Variants in FLNC observed in about 807,000 individuals in gnomAD.
FLNC encodes filamin-C.
In FLNC, 91 loss-of-function variants were observed where a neutral mutation model predicts 254.3. That is an observed-to-expected ratio of 0.36 (90% CI 0.30 to 0.43). FLNC has a LOEUF of 0.43. Ranked by LOEUF, FLNC falls within the 20% of genes least tolerant of loss-of-function variation. The probability of loss-of-function intolerance (pLI) is 1.00; values close to 1 mark genes in which losing one functional copy is unlikely to be tolerated. For synonymous variants in FLNC, 1,430 were observed against 1,577.2 expected (o/e 0.91, Z 2.21); for missense variants, 2,853 against 3,802.6 (o/e 0.75, Z 6.57).
rs1808326543 is a variant in FLNC at position 128,841,377 on chromosome 7, TCACACA to T, written c.2007+18_2007+23del. ...TTCCCAGATAAGGTGTGGTCCCAGC[TCACACA>T]CACCTGCCCCGGGGGTGGGGCAAGC... On this transcript the variant is annotated intron_variant, in intron 12 of 47. Transcript: ENST00000325888. This position sits in a 1 kb window ranked among gnomAD's most constrained non-coding sequence, Gnocchi z 4.3. 1 of 1,613,740 alleles carries T rather than the reference TCACACA, an allele frequency of 6.2e-7. No individual in the cohort carries two copies. The highest frequency in any genetic ancestry group is 8.5e-7 in the Non-Finnish European group (1 of 1,179,862).
At position 128,843,317 on chromosome 7, in the gene FLNC, C is replaced by T. The variant is rs1324832799; in HGVS notation, c.2639C>T (p.Thr880Ile). 2.5e-6 allele frequency: 4 copies of T among 1,613,126 alleles called. No homozygotes were observed. Among genetic ancestry groups the T allele is most frequent in the South Asian group, 1.1e-5 (1 of 90,888 alleles). Residue 880 changes from threonine to isoleucine, a missense_variant and splice_region_variant, in exon 17 of 48, where the codon ACA (threonine) becomes ATA (isoleucine). Around this residue, in one of 10 missense-constraint regions of FLNC, gnomAD observed 1,573 missense variants for 1,883.5 expected, o/e 0.84. Transcript: ENST00000325888. Reference sequence around the variant, plus strand: ...GCCGAGGGCCCTGGGCTGAATCGCACAGGTGAGTGTCTGGGCAGGGGCTGG... The same window carrying T: ...GCCGAGGGCCCTGGGCTGAATCGCATAGGTGAGTGTCTGGGCAGGGGCTGG... ...VKAEGPGLNR[T>I]GVEVGKPTHF...
In FLNC at chr7:128,841,146, C is replaced by T. The variant is rs767094607; in HGVS notation, c.1814-24C>T. On this transcript the variant is annotated intron_variant, in intron 11 of 47. Transcript: ENST00000325888. This position sits in a 1 kb window ranked among gnomAD's most constrained non-coding sequence, Gnocchi z 4.3. ...AGGGTCTTGCCTGATGCTGGATCCCCGACCCTCCCCCACCTTGCCCCAGGC... is the reference window on the plus strand; with the variant it reads ...AGGGTCTTGCCTGATGCTGGATCCCTGACCCTCCCCCACCTTGCCCCAGGC... The T allele has an allele frequency of 2.1e-5, 34 of 1,611,402 alleles. No homozygotes were observed. The Middle Eastern group carries it at 6.9e-4, about 33-fold the overall frequency.
chr7:128,853,075 C>T, intron 37 of FLNC, 44 bp downstream of exon 37: 1 of 1,563,056 alleles, frequency 6.4e-7, no homozygotes, highest in Non-Finnish European at 8.8e-7. Context: ...GGGTGCCTCC[C>T]ACAGGCACTT....
chr7:128,835,182 G>C lies in FLNC; in HGVS notation c.353-144G>C. ...GAACTTGGCATCTGAGTGGGGCCTC[G>C]CAGGAGGGAGAGGGTCAGGTAGGCA... On this transcript the variant is annotated intron_variant, in intron 1 of 47. Transcript: ENST00000325888. The surrounding 1 kb of genome is among the most constrained non-coding windows in gnomAD (Gnocchi z 5.3). 1 of 1,059,144 alleles carries C rather than the reference G, an allele frequency of 9.4e-7. No individual in the cohort carries two copies. Among genetic ancestry groups the C allele is most frequent in the Non-Finnish European group, 1.4e-6 (1 of 708,498 alleles). 65.6% of individuals were successfully genotyped at this position (1,059,144 alleles called of 1,614,324 possible).
rs747196571 is a variant in FLNC at position 128,852,957 on chromosome 7, G to A, written c.6134G>A (p.Arg2045Gln). 74 of 1,613,426 alleles carry A rather than the reference G, an allele frequency of 4.6e-5. No individual in the cohort carries two copies. Among genetic ancestry groups the A allele is most frequent in the African/African-American group, 2.0e-4 (15 of 74,916 alleles). The change falls in exon 37 of 48, where the codon CGG becomes CAG. Residue 2045 changes from arginine to glutamine, a missense_variant. Physicochemically the swap from Arg to Gln is conservative, Grantham distance 43. Transcript: ENST00000325888. ...GAGATCGGGGACGCCAGCAAGGTGC[G>A]GGTCTGGGGCAAGGGGCTTTCCGAG... ...PSEIGDASKV[R>Q]VWGKGLSEGH... is the part of the protein sequence containing the mutation.
At chr7:128,846,532 C>A in intron 23 of FLNC, 69 bp downstream of exon 23, 1 of 1,569,742 alleles carries the variant, frequency 6.4e-7, no homozygotes, top group Non-Finnish European at 8.7e-7. Flanking sequence ...CCTCGCTCAT[C>A]CCTCTGCCTG....
Position 128,854,780 on chromosome 7 carries a change from T to G in FLNC, c.7003T>G (p.Phe2335Val). ...ERGVAGVPAEFSIWTREAGAG... is the reference protein window; with the variant it reads ...ERGVAGVPAEVSIWTREAGAG... ...ACTACCTTGCCTGTCCCCAGCCGAGTTCAGCATCTGGACCCGGGAGGCTGG... is the reference window on the plus strand; with the variant it reads ...ACTACCTTGCCTGTCCCCAGCCGAGGTCAGCATCTGGACCCGGGAGGCTGG... The change falls in exon 42 of 48, where the codon TTC (phenylalanine) becomes GTC (valine). Residue 2335 changes from phenylalanine to valine, a missense_variant. Phe to Val is a conservative substitution (Grantham distance 50, BLOSUM62 -1). Transcript: ENST00000325888. 1.9e-6 allele frequency: 3 copies of G among 1,614,118 alleles called. No homozygotes were observed. In the South Asian group the frequency reaches 3.3e-5, roughly 18 times the overall value.
rs551331112 is a variant in FLNC at position 128,835,205 on chromosome 7, G to A, written c.353-121G>A. 374 of 1,329,432 alleles carry A rather than the reference G, an allele frequency of 2.8e-4. 3 individuals carry two copies. Among genetic ancestry groups the A allele is most frequent in the South Asian group, 2.6e-3 (221 of 83,656 alleles). The allele number at this position is 1,329,432 out of a possible 1,614,324, so 82.4% of individuals were successfully genotyped here. A position where few individuals can be genotyped will look rare whatever the true frequency, so the allele number is the denominator to read the frequency against. On this transcript the variant is annotated intron_variant, in intron 1 of 47. Transcript: ENST00000325888. This position sits in a 1 kb window ranked among gnomAD's most constrained non-coding sequence, Gnocchi z 5.3. ...TCGCAGGAGGGAGAGGGTCAGGTAG[G>A]CAGAGACTAGAGGCCTGACCCCAGA...
intron 8 of FLNC, 46 bp from the exon 9 acceptor site, chr7:128,839,977 C>T (rs1808258762): frequency 1.9e-6 from 3 of 1,603,366 alleles, no homozygotes; most frequent in Non-Finnish European, 2.5e-6. Flanking sequence ...GGCTAGTGGT[C>T]CAAGGCCCCT....
Position 128,848,837 on chromosome 7 carries a change from G to T in FLNC, c.4782G>T (p.Gly1594=). 6.2e-7 allele frequency: 1 copy of T among 1,614,144 alleles called. No homozygotes were observed. The highest frequency in any genetic ancestry group is 8.5e-7 in the Non-Finnish European group (1 of 1,180,028). ...AGAAGGCCAACATCCGGGACAATGG[G>T]GATGGCACGTACACTGTGTCCTACC... ...KPKKANIRDN[G]DGTYTVSYLP... Residue 1594 remains glycine (G), a synonymous_variant, in exon 28 of 48, where the codon GGG becomes GGT. Transcript: ENST00000325888.
rs550885808 is a variant in FLNC at position 128,832,534 on chromosome 7, G to A, written c.352+1545G>A. Among the ~76,000 whole-genome samples the A allele has an allele frequency of 1.5e-3, 222 of 152,340 alleles. 8 individuals carry two copies. The South Asian group carries it at 0.045, about 31-fold the overall frequency. On this transcript the variant is annotated intron_variant, in intron 1 of 47. Coordinates refer to ENST00000325888, the MANE Select transcript of FLNC (RefSeq NM_001458.5). ...GCCTTCCCCTCCCCTCCAGTCTGCG[G>A]GGGCTCTCGGCCCCTCTCCAGGCCT...
rs76972396 is a variant in FLNC at position 128,852,473 on chromosome 7, G to A, written c.5843-118G>A. On this transcript the variant is annotated intron_variant, in intron 35 of 47. Transcript: ENST00000325888. ...CAGGCCTTGGGCCTCCGTGCACCTG[G>A]GAGTGGCCCCCCGTGTCTGTTGAGT... is the stretch of plus-strand genomic sequence containing the variant. The A allele has an allele frequency of 0.052, 60,846 of 1,180,942 alleles. 3,450 individuals carry two copies. The highest frequency in any genetic ancestry group is 0.3 in the East Asian group (12,659 of 42,112). 73.2% of individuals were successfully genotyped at this position (1,180,942 alleles called of 1,614,324 possible).
chr7:128,839,519 T>C (rs1024790568), intron 8 of FLNC, among the ~76,000 whole-genome samples: 1 of 152,244 alleles, frequency 6.6e-6, no homozygotes, highest in African/African-American at 2.4e-5. Context: ...CCTTTGCCTG[T>C]GTTCCATAGC....
intron 7 of FLNC, 59 bp downstream of exon 7, chr7:128,838,488 G>A: frequency 1.9e-6 from 3 of 1,603,910 alleles, no homozygotes; most frequent in Non-Finnish European, 2.6e-6. Context: ...GGCTGTGTGG[G>A]GGTGGGGGGA....
rs759816924 is a variant in FLNC, at chr7:128,848,795, C to T, written c.4740C>T (p.Asp1580=). ...GEGLLTVQIL[D]PEGKPKKANI... ...CTTGACCTCTGCTTCTCCCTCAGGACCCCGAGGGTAAGCCCAAGAAGGCCA... is the reference window on the plus strand; with the variant it reads ...CTTGACCTCTGCTTCTCCCTCAGGATCCCGAGGGTAAGCCCAAGAAGGCCA... The change falls in exon 28 of 48, where the codon GAC becomes GAT. Residue 1580 remains aspartate (D), a splice_region_variant and synonymous_variant. Coordinates refer to ENST00000325888, the MANE Select transcript of FLNC (RefSeq NM_001458.5). 1 of 1,614,152 alleles carries T rather than the reference C, an allele frequency of 6.2e-7. No homozygotes were observed. Among genetic ancestry groups the T allele is most frequent in the Middle Eastern group, 1.6e-4 (1 of 6,062 alleles).
intron 29 of FLNC, 30 bp downstream of exon 29, chr7:128,849,234 G>A (rs1475494959): frequency 1.2e-6 from 2 of 1,614,138 alleles, no homozygotes; most frequent in South Asian, 2.2e-5. Context: ...TCTTCTTGGT[G>A]TGGGCCAGGG....
intron 1 of FLNC, among the ~76,000 whole-genome samples, chr7:128,834,712 T>C (rs1267360764): frequency 6.6e-6 from 1 of 152,156 alleles, no homozygotes; most frequent in Non-Finnish European, 1.5e-5. Flanking sequence ...ACTGTGTGAT[T>C]CCATTTATAT....
intron 1 of FLNC, among the ~76,000 whole-genome samples, chr7:128,832,016 C>G (rs1318421346): frequency 6.6e-6 from 1 of 152,168 alleles, no homozygotes; most frequent in African/African-American, 2.4e-5. Flanking sequence ...CCCCACGGCC[C>G]CAGGAGGGGA....
rs1487420653 is a variant in FLNC at position 128,858,248 on chromosome 7, G to T, written c.7990+31G>T. On this transcript the variant is annotated intron_variant, in intron 47 of 47. Transcript: ENST00000325888. This position sits in a 1 kb window ranked among gnomAD's most constrained non-coding sequence, Gnocchi z 6.7. ...TGGCGGGGGGAGGGCGTCTCCCGGG[G>T]TGTGAGCAAGAAGCCGTCAGGGAGC... is the stretch of plus-strand genomic sequence containing the variant. 3.0e-5 allele frequency: 38 copies of T among 1,285,896 alleles called. No individual in the cohort carries two copies. The highest frequency in any genetic ancestry group is 8.9e-5 in the Admixed American group (5 of 56,376). The allele number at this position is 1,285,896 out of a possible 1,614,324, so 79.7% of individuals were successfully genotyped here.
Sources: allele counts gnomAD v4.1 joint callset (sites outside exome capture counted in the v4.1 genomes callset), GRCh38; gene constraint gnomAD v4.1.1; regional missense constraint gnomAD v4.1.1; non-coding constraint Gnocchi (gnomAD v3.1); transcripts MANE v1.5; gene names NCBI Gene and HGNC (gene_info 2026-07-23, HGNC 2026-07-21).